FAF2: variants seen among roughly 807,000 people sequenced by gnomAD.
FAF2 encodes Fas associated factor family member 2.
FAF2 carries 9 observed loss-of-function variants against 62.3 expected under a neutral mutation model. The observed-to-expected ratio is 0.14, with a 90% CI of 0.09 to 0.25. The LOEUF is 0.25. FAF2 is among the 10% of genes least tolerant of loss of function. The probability of loss-of-function intolerance (pLI) is 1.00; values close to 1 mark genes in which losing one functional copy is unlikely to be tolerated. For synonymous variants in FAF2, 202 were observed against 198.0 expected, an observed-to-expected ratio of 1.02 and a Z score of -0.17; for missense variants, 368 against 556.2, an observed-to-expected ratio of 0.66 and a Z score of 3.40.
At chr5:176,452,224 A>G (rs1758200752) in intron 1 of FAF2, among the ~76,000 whole-genome samples, 1 of 151,670 alleles carries the variant, frequency 6.6e-6, no homozygotes, top group Non-Finnish European at 1.5e-5. Flanking sequence ...TGCCTGGCTA[A>G]TTTTTGTATT....
At chr5:176,485,172 A>G (rs956273944) in intron 2 of FAF2, among the ~76,000 whole-genome samples, 1 of 152,206 alleles carries the variant, frequency 6.6e-6, no homozygotes, top group African/African-American at 2.4e-5. Flanking sequence ...TCAGGAATCT[A>G]CTAGAGGTCT....
rs1423374903 is a variant in FAF2 at position 176,451,869 on chromosome 5, T to TATAC, written c.63+3400_63+3401insTACA. Among the ~76,000 whole-genome samples, 39 of 34,924 alleles carry TATAC rather than the reference T, an allele frequency of 1.1e-3. 2 individuals are homozygous for TATAC. Among genetic ancestry groups the TATAC allele is most frequent in the African/African-American group, 3.8e-3 (30 of 7,838 alleles). 22.9% of individuals were successfully genotyped at this position (34,924 alleles called of 152,430 possible). ...ACACATATATATACACATATATATA[T>TATAC]ACACACATATATATATATATATATT... On this transcript the variant is annotated intron_variant, in intron 1 of 10. Transcript: ENST00000261942.
At chr5:176,471,838 C>G (rs951300933) in intron 1 of FAF2, among the ~76,000 whole-genome samples, 1 of 151,796 alleles carries the variant, frequency 6.6e-6, no homozygotes, top group Non-Finnish European at 1.5e-5. Flanking sequence ...TACAGGCACC[C>G]GCCACTATGC....
intron 1 of FAF2, among the ~76,000 whole-genome samples, chr5:176,457,662 G>T (rs368752336): frequency 0.017 from 2,618 of 151,794 alleles, 68 homozygotes; most frequent in African/African-American, 0.06. Flanking sequence ...GGGTGTGTGT[G>T]TGTGTGTGTG....
chr5:176,451,875 CATAT>C (rs1220261982), intron 1 of FAF2, among the ~76,000 whole-genome samples: 2 of 24,112 alleles, frequency 8.3e-5, no homozygotes, highest in African/African-American at 3.0e-4. Flanking sequence ...TATATACACA[CATAT>C]ATATATATAT....
At chr5:176,497,047 G>C (rs79353790) in intron 8 of FAF2, 1 of 153,376 alleles carries the variant, frequency 6.5e-6, no homozygotes. Flanking sequence ...TTGGGAGCCC[G>C]AGGCAGGAGG....
intron 10 of FAF2, among the ~76,000 whole-genome samples, chr5:176,505,454 C>T (rs1755660682): frequency 6.6e-6 from 1 of 152,150 alleles, no homozygotes; most frequent in Admixed American, 6.5e-5. Context: ...AGGTGCAACA[C>T]ATTTATTGTA....
At chr5:176,453,882 C>G (rs923512898) in intron 1 of FAF2, among the ~76,000 whole-genome samples, 1 of 151,478 alleles carries the variant, frequency 6.6e-6, no homozygotes, top group Non-Finnish European at 1.5e-5. Flanking sequence ...GGTGAAACCC[C>G]GTCTCTACTA....
chr5:176,485,455 T>C (rs2113736618), intron 2 of FAF2, among the ~76,000 whole-genome samples: 1 of 152,306 alleles, frequency 6.6e-6, no homozygotes, highest in African/African-American at 2.4e-5. Flanking sequence ...AACAAAGACA[T>C]GCTTATCAGG....
intron 1 of FAF2, among the ~76,000 whole-genome samples, chr5:176,475,289 C>G (rs1758668744): frequency 6.6e-6 from 1 of 151,936 alleles, no homozygotes; most frequent in Non-Finnish European, 1.5e-5. Flanking sequence ...ACCACCACAC[C>G]CGGCTAATTT....
At chr5:176,479,334 C>A in intron 2 of FAF2, 78 bp downstream of exon 2, 1 of 1,166,030 alleles carries the variant, frequency 8.6e-7, no homozygotes, top group Non-Finnish European at 1.3e-6. Context: ...TTTTCCATAG[C>A]AGGAATCTTT....
chr5:176,492,341 C>A lies in FAF2; in HGVS notation c.483+9C>A. 1 of 1,609,820 alleles carries A rather than the reference C, an allele frequency of 6.2e-7. No homozygotes were observed. The highest frequency in any genetic ancestry group is 1.1e-5 in the South Asian group (1 of 90,652). On this transcript the variant is annotated intron_variant, in intron 5 of 10. Coordinates refer to ENST00000261942, the MANE Select transcript of FAF2 (RefSeq NM_014613.3). ...AGGGAACGTACAGCCAGGTCAGTGC[C>A]ATAAACCATATAGATGCCAACTTAC...
chr5:176,483,041 T>A (rs1482377713), intron 2 of FAF2, among the ~76,000 whole-genome samples: 3 of 151,554 alleles, frequency 2.0e-5, no homozygotes, highest in Non-Finnish European at 4.4e-5. Flanking sequence ...GTTTTCTTTT[T>A]TTTATTTATT....
intron 2 of FAF2, among the ~76,000 whole-genome samples, chr5:176,480,569 T>C (rs913645780): frequency 1.3e-5 from 2 of 151,950 alleles, no homozygotes; most frequent in African/African-American, 4.8e-5. Flanking sequence ...TGTAACACCA[T>C]GCCCAGCTGA....
In FAF2 at chr5:176,486,453, G is replaced by T. The variant is rs1180564744; in HGVS notation, c.231G>T (p.Arg77Ser). The T allele has an allele frequency of 1.2e-6, 2 of 1,614,108 alleles. No individual in the cohort carries two copies. Among genetic ancestry groups the T allele is most frequent in the Non-Finnish European group, 1.7e-6 (2 of 1,179,994 alleles). ...TGCAGGTTAATACAGCTGACCACAG[G>T]ATCTACAGCTATGTTGTCTCAAGAC... Reference protein sequence around the residue: ...RPLQVNTADHRIYSYVVSRPQ... With the variant: ...RPLQVNTADHSIYSYVVSRPQ... Residue 77 changes from arginine to serine, a missense_variant, in exon 3 of 11, where the codon AGG becomes AGT. Arg to Ser is a moderately radical substitution (Grantham distance 110). Transcript: ENST00000261942.
intron 2 of FAF2, among the ~76,000 whole-genome samples, chr5:176,479,513 A>G (rs186156967): frequency 3.7e-4 from 56 of 152,232 alleles, no homozygotes; most frequent in Non-Finnish European, 6.8e-4. Flanking sequence ...TGGTTTTTGT[A>G]TATTTAGTTT....
intron 1 of FAF2, among the ~76,000 whole-genome samples, chr5:176,459,066 T>C (rs1466512598): frequency 2.0e-5 from 3 of 152,154 alleles, no homozygotes; most frequent in African/African-American, 7.2e-5. Context: ...AACTGATTTC[T>C]TTGTGCTTGC....
intron 1 of FAF2, among the ~76,000 whole-genome samples, chr5:176,455,461 A>G (rs931831150): frequency 5.9e-5 from 9 of 151,392 alleles, no homozygotes; most frequent in Non-Finnish European, 1.0e-4. Flanking sequence ...AAAAAAAAGT[A>G]AAAAATAGCC....
chr5:176,473,304 T>G (rs2113728450), intron 1 of FAF2, among the ~76,000 whole-genome samples: 1 of 152,328 alleles, frequency 6.6e-6, no homozygotes, highest in African/African-American at 2.4e-5. Context: ...TTGTAGAATA[T>G]TTCTCAATTG....
Sources: gnomAD v4.1 joint callset for allele counts (sites outside exome capture counted in the v4.1 genomes callset) on GRCh38, gnomAD v4.1.1 for gene constraint, MANE v1.5 for transcripts, NCBI Gene and HGNC (gene_info 2026-07-23, HGNC 2026-07-21) for gene names.